WLS: variants seen among roughly 807,000 people sequenced by gnomAD.
WLS encodes protein wntless homolog.
A neutral mutation model predicts 62.8 loss-of-function variants in WLS; 23 were observed. That is an observed-to-expected ratio of 0.37 (90% CI 0.26 to 0.52). The LOEUF (loss-of-function observed/expected upper bound fraction) is 0.52. Among genes scored for constraint, WLS ranks in the 20% least tolerant of loss-of-function variants. WLS has a pLI of 0.92. For missense variants in WLS, 615 were observed against 697.3 expected, an observed-to-expected ratio of 0.88 and a Z score of 1.33; for synonymous variants, 246 against 244.1, an observed-to-expected ratio of 1.01 and a Z score of -0.07.
chr1:68,179,891 C>T lies in WLS; in HGVS notation c.379+14064G>A, dbSNP rs955475966. On this transcript the variant is annotated intron_variant, in intron 2 of 11. Coordinates refer to ENST00000262348, the MANE Select transcript of WLS (RefSeq NM_024911.7). ...AGGTAGATCTCGAATTACTGAAACA[C>T]AATTTCTTATAAGAGAGAATTTGAT... 2.6e-5 allele frequency among the ~76,000 whole-genome samples: 4 copies of T among 151,960 alleles called. No homozygotes were observed. In the East Asian group the frequency reaches 5.8e-4, roughly 22 times the overall value.
chr1:68,139,158 TAAAC>T (rs762415369), intron 10 of WLS, among the ~76,000 whole-genome samples: 6 of 152,350 alleles, frequency 3.9e-5, no homozygotes, highest in Non-Finnish European at 7.3e-5. Flanking sequence ...TTGTGACTCA[TAAAC>T]AAACCACTAT....
At chr1:68,225,207 G>T (rs1467977890) in intron 1 of WLS, among the ~76,000 whole-genome samples, 1 of 151,988 alleles carries the variant, frequency 6.6e-6, no homozygotes, top group Non-Finnish European at 1.5e-5. Flanking sequence ...GTAGTAAGAG[G>T]CTATAGAAAT....
intron 10 of WLS, among the ~76,000 whole-genome samples, chr1:68,139,612 A>G (rs1006603491): frequency 1.3e-5 from 2 of 152,228 alleles, no homozygotes; most frequent in Non-Finnish European, 2.9e-5. Context: ...GGCCAGTAAG[A>G]GACCCTATTC....
downstream of WLS, among the ~76,000 whole-genome samples, chr1:68,121,944 TTA>T (rs1312546967): frequency 6.6e-6 from 1 of 152,224 alleles, no homozygotes; most frequent in African/African-American, 2.4e-5. Context: ...CTCTGTGAAT[TTA>T]TTCCTTGTCC....
chr1:68,140,785 C>T (rs999854752), intron 10 of WLS, among the ~76,000 whole-genome samples: 1 of 151,810 alleles, frequency 6.6e-6, no homozygotes, highest in Non-Finnish European at 1.5e-5. Context: ...CTTGTTTTTC[C>T]CTCTCCTCTC....
chr1:68,174,273 A>G (rs1337990953), intron 2 of WLS, among the ~76,000 whole-genome samples: 1 of 152,182 alleles, frequency 6.6e-6, no homozygotes, highest in African/African-American at 2.4e-5. Context: ...CTGTTTCAAC[A>G]GCTGTGTTAT....
intron 2 of WLS, among the ~76,000 whole-genome samples, chr1:68,177,892 A>G (rs867734554): frequency 5.9e-5 from 9 of 152,220 alleles, no homozygotes; most frequent in Non-Finnish European, 8.8e-5. Flanking sequence ...CAACAACCCT[A>G]TAAAGGTAGT....
chr1:68,225,385 A>C (rs920483033), intron 1 of WLS, among the ~76,000 whole-genome samples: 7 of 152,156 alleles, frequency 4.6e-5, no homozygotes, highest in African/African-American at 7.2e-5. Context: ...ACATCCCCAT[A>C]CGGGCACTTT....
intron 11 of WLS, among the ~76,000 whole-genome samples, chr1:68,108,198 G>A (rs1466833797): frequency 1.3e-5 from 2 of 152,088 alleles, no homozygotes; most frequent in African/African-American, 2.4e-5. Flanking sequence ...CTATATGTTA[G>A]GACAGGGAAG....
intron 11 of WLS, among the ~76,000 whole-genome samples, chr1:68,129,181 G>A (rs541825579): frequency 7.2e-5 from 11 of 152,176 alleles, no homozygotes; most frequent in East Asian, 5.8e-4. Context: ...AAAATTAACC[G>A]GGTGTGGTGG....
chr1:68,228,452 T>C (rs1250613363), intron 1 of WLS, among the ~76,000 whole-genome samples: 1 of 152,112 alleles, frequency 6.6e-6, no homozygotes, highest in East Asian at 1.9e-4. Flanking sequence ...TCAGGGTACA[T>C]GGTCTCCTTC....
At position 68,188,159 on chromosome 1, in the gene WLS, G is replaced by A. The variant is rs544078974; in HGVS notation, c.379+5796C>T. 3.2e-3 allele frequency among the ~76,000 whole-genome samples: 488 copies of A among 152,308 alleles called. 3 individuals carry two copies. The highest frequency in any genetic ancestry group is 5.3e-3 in the Non-Finnish European group (359 of 68,018). ...CTGCCTGTCATGTAACAGGCTGCTCGAAAGCAGCAACATACTACTCCTATA... is the reference window on the plus strand; with the variant it reads ...CTGCCTGTCATGTAACAGGCTGCTCAAAAGCAGCAACATACTACTCCTATA... On this transcript the variant is annotated intron_variant, in intron 2 of 11. Transcript: ENST00000262348.
At chr1:68,131,819 C>T (rs531894162) in intron 11 of WLS, among the ~76,000 whole-genome samples, 2 of 152,198 alleles carry the variant, frequency 1.3e-5, no homozygotes, top group East Asian at 3.9e-4. Context: ...GGCCCTACTC[C>T]AACAGACTGG....
At chr1:68,167,174 T>C (rs1180102678) in intron 2 of WLS, among the ~76,000 whole-genome samples, 1 of 152,178 alleles carries the variant, frequency 6.6e-6, no homozygotes, top group Non-Finnish European at 1.5e-5. Context: ...GCATGAAGGG[T>C]AAGGTATTGT....
chr1:68,165,451 T>C (rs1262209476), intron 2 of WLS, among the ~76,000 whole-genome samples: 1 of 152,202 alleles, frequency 6.6e-6, no homozygotes, highest in African/African-American at 2.4e-5. Flanking sequence ...ACATTCTGCC[T>C]AGACAGCTCT....
intron 2 of WLS, among the ~76,000 whole-genome samples, chr1:68,181,775 G>A (rs1358612846): frequency 1.3e-5 from 2 of 152,204 alleles, no homozygotes; most frequent in African/African-American, 4.8e-5. Flanking sequence ...TAAAGGATTA[G>A]TGCTTTAACT....
At chr1:68,221,801 A>C (rs1169941359) in intron 1 of WLS, among the ~76,000 whole-genome samples, 2 of 152,218 alleles carry the variant, frequency 1.3e-5, no homozygotes, top group Non-Finnish European at 2.9e-5. Context: ...GCTCAGTTTC[A>C]ACAAAATGAA....
intron 2 of WLS, among the ~76,000 whole-genome samples, chr1:68,184,623 C>T (rs1049986393): frequency 2.6e-5 from 4 of 152,292 alleles, no homozygotes; most frequent in African/African-American, 9.6e-5. Context: ...TTCCTAACTC[C>T]TTTAGAGTAA....
intron 1 of WLS, among the ~76,000 whole-genome samples, chr1:68,219,995 T>C (rs1313680131): frequency 6.6e-6 from 1 of 152,022 alleles, no homozygotes; most frequent in African/African-American, 2.4e-5. Flanking sequence ...ACATAATGAG[T>C]GATATCCATT....
Sources: gnomAD v4.1 joint callset for allele counts (sites outside exome capture counted in the v4.1 genomes callset) on GRCh38, gnomAD v4.1.1 for gene constraint, MANE v1.5 for transcripts, NCBI Gene and HGNC (gene_info 2026-07-23, HGNC 2026-07-21) for gene names.